The following CHRNB2 variants were observed in gnomAD, a reference collection of about 807,000 sequenced individuals.
CHRNB2 encodes neuronal acetylcholine receptor subunit beta-2.
Under a neutral mutation model 42.7 loss-of-function variants are expected in CHRNB2, and 33 were observed. The observed-to-expected ratio is 0.77, with a 90% CI of 0.59 to 1.03. The LOEUF is 1.03. Among genes scored for constraint, CHRNB2 ranks in the 50% least tolerant of loss-of-function variants. CHRNB2 has a pLI of 0.00. For missense variants in CHRNB2, 603 were observed against 700.9 expected (o/e 0.86, Z 1.58); for synonymous variants, 325 against 292.9 (o/e 1.11, Z -1.12).
At chr1:154,569,643 G>A (rs1364006491) in intron 2 of CHRNB2, 36 bp downstream of exon 2, 12 of 1,613,776 alleles carry the variant, frequency 7.4e-6, no homozygotes, top group Non-Finnish European at 9.3e-6. Context: ...CCCAGCTACT[G>A]AAATCAGCCC....
At position 154,576,067 on chromosome 1, in the gene CHRNB2, G is replaced by A. The variant is rs1696269026; in HGVS notation, c.*135G>A. 1 of 1,157,780 alleles carries A rather than the reference G, an allele frequency of 8.6e-7. No individual in the cohort carries two copies. Among genetic ancestry groups the A allele is most frequent in the Admixed American group, 1.8e-5 (1 of 54,694 alleles). 71.7% of individuals were successfully genotyped at this position (1,157,780 alleles called of 1,614,324 possible). On this transcript the variant is annotated 3_prime_UTR_variant, in exon 6 of 6. Transcript: ENST00000368476. ...GATCCATCCTTTTGCTTCATCTGGA[G>A]TCCCTCCTCCCCCACGCCTCCATCC...
At chr1:154,572,545 C>T (rs1696197419) in intron 5 of CHRNB2, among the ~76,000 whole-genome samples, 1 of 152,054 alleles carries the variant, frequency 6.6e-6, no homozygotes, top group Non-Finnish European at 1.5e-5. Flanking sequence ...CTTGCATGCC[C>T]ACATCCAAGT....
rs1206307294 is a variant in CHRNB2, at chr1:154,579,770, GC to G, written c.*3841del. The G allele has an allele frequency of 6.6e-6, 1 of 152,334 alleles. No individual in the cohort carries two copies. The highest frequency in any genetic ancestry group is 1.5e-5 in the Non-Finnish European group (1 of 68,196). 9.4% of individuals were successfully genotyped at this position (152,334 alleles called of 1,614,324 possible). A position where few individuals can be genotyped will look rare whatever the true frequency, so the allele number is the denominator to read the frequency against. Reference sequence around the variant, plus strand: ...TCGATGCCCCCATCTTCCCCACACTGCCCTTGGCCTCCCCGCTCTGCACGCC... The same window carrying G: ...TCGATGCCCCCATCTTCCCCACACTGCCTTGGCCTCCCCGCTCTGCACGCC... On this transcript the variant is annotated 3_prime_UTR_variant, in exon 6 of 6. Transcript: ENST00000368476.
At position 154,577,052 on chromosome 1, in the gene CHRNB2, T is replaced by C. The variant is rs1202318658; in HGVS notation, c.*1120T>C. 2 of 152,240 alleles carry C rather than the reference T, an allele frequency of 1.3e-5. No homozygotes were observed. Among genetic ancestry groups the C allele is most frequent in the East Asian group, 1.9e-4 (1 of 5,204 alleles). The allele number at this position is 152,240 out of a possible 1,614,324, so 9.4% of individuals were successfully genotyped here. ...CCCTGCTACATCCGTGCTGCTCCAGTCTGTTCTGCTCATGGCTCCATCCTT... is the reference window on the plus strand; with the variant it reads ...CCCTGCTACATCCGTGCTGCTCCAGCCTGTTCTGCTCATGGCTCCATCCTT... On this transcript the variant is annotated 3_prime_UTR_variant, in exon 6 of 6. Coordinates refer to ENST00000368476, the MANE Select transcript of CHRNB2 (RefSeq NM_000748.3).
rs940695797 is a variant in CHRNB2, at chr1:154,579,166, C to G, written c.*3234C>G. ...CAGAGGAAGGGCAAGACCGTTTCCCCCAATGGTCTTGAAACGGAAGAGGAA... is the reference window on the plus strand; with the variant it reads ...CAGAGGAAGGGCAAGACCGTTTCCCGCAATGGTCTTGAAACGGAAGAGGAA... On this transcript the variant is annotated 3_prime_UTR_variant, in exon 6 of 6. Coordinates refer to ENST00000368476, the MANE Select transcript of CHRNB2 (RefSeq NM_000748.3). The G allele has an allele frequency of 1.3e-5, 2 of 152,178 alleles. No individual in the cohort carries two copies. Among genetic ancestry groups the G allele is most frequent in the African/African-American group, 4.8e-5 (2 of 41,416 alleles). The allele number at this position is 152,178 out of a possible 1,614,324, so 9.4% of individuals were successfully genotyped here. A position where few individuals can be genotyped will look rare whatever the true frequency, so the allele number is the denominator to read the frequency against.
At position 154,571,919 on chromosome 1, in the gene CHRNB2, C is replaced by T; in HGVS notation, c.1096C>T (p.Arg366Cys). 3 of 1,568,194 alleles carry T rather than the reference C, an allele frequency of 1.9e-6. No homozygotes were observed. The highest frequency in any genetic ancestry group is 2.3e-5 in the South Asian group (2 of 87,178). The change falls in exon 5 of 6, where the codon CGC (arginine) becomes TGC (cysteine). Residue 366 changes from arginine (R) to cysteine (C), a missense_variant. Physicochemically the swap from Arg to Cys is radical, Grantham distance 180. Coordinates refer to ENST00000368476, the MANE Select transcript of CHRNB2 (RefSeq NM_000748.3). This position sits in a 1 kb window ranked among gnomAD's most constrained non-coding sequence, Gnocchi z 6.8. Reference protein sequence around the residue: ...CARQRLRLRRRQREREGAGAL... With the variant: ...CARQRLRLRRCQREREGAGAL... The stretch of plus-strand genomic sequence containing the variant: ...CCGTCAGCGCCTGCGCCTGCGGCGA[C>T]GCCAGCGTGAGCGCGAGGGCGCTGG...
Position 154,578,786 on chromosome 1 carries a change from A to C in CHRNB2, c.*2854A>C, listed in dbSNP as rs1010571919. 1 of 152,186 alleles carries C rather than the reference A, an allele frequency of 6.6e-6. No homozygotes were observed. Among genetic ancestry groups the C allele is most frequent in the Non-Finnish European group, 1.5e-5 (1 of 68,034 alleles). 9.4% of individuals were successfully genotyped at this position (152,186 alleles called of 1,614,324 possible). The stretch of plus-strand genomic sequence containing the variant: ...CGTGGTGGGGCTATCTCTGCAGAGA[A>C]TCGGGTGCCCAGCTTAATGCTGGGC... On this transcript the variant is annotated 3_prime_UTR_variant, in exon 6 of 6. Coordinates refer to ENST00000368476, the MANE Select transcript of CHRNB2 (RefSeq NM_000748.3).
In CHRNB2 at chr1:154,578,287, TC is replaced by T. The variant is rs1313723901; in HGVS notation, c.*2358del. The T allele has an allele frequency of 1.3e-5, 2 of 152,250 alleles. No homozygotes were observed. The highest frequency in any genetic ancestry group is 4.8e-5 in the African/African-American group (2 of 41,442). 9.4% of individuals were successfully genotyped at this position (152,250 alleles called of 1,614,324 possible). A position where few individuals can be genotyped will look rare whatever the true frequency, so the allele number is the denominator to read the frequency against. On this transcript the variant is annotated 3_prime_UTR_variant, in exon 6 of 6. Transcript: ENST00000368476. ...TGTGGCTGTACTTGCTTTTAATATT[TC>T]CCATACATGGCTGTTGTCCAAGTTA...
At chr1:154,570,027 C>A (rs1474721833) in intron 3 of CHRNB2, among the ~76,000 whole-genome samples, 191 bp downstream of exon 3, 1 of 152,208 alleles carries the variant, frequency 6.6e-6, no homozygotes, top group African/African-American at 2.4e-5. Context: ...CTCCAAGATT[C>A]ATTTTCTCAT....
chr1:154,573,366 C>T (rs1696212648), intron 5 of CHRNB2, among the ~76,000 whole-genome samples: 1 of 152,222 alleles, frequency 6.6e-6, no homozygotes, highest in Non-Finnish European at 1.5e-5. Context: ...ATGCTCAAAA[C>T]TGAGTATTTG....
chr1:154,576,222 G>A lies in CHRNB2; in HGVS notation c.*290G>A, dbSNP rs200726730. 4 of 484,062 alleles carry A rather than the reference G, an allele frequency of 8.3e-6. No homozygotes were observed. Among genetic ancestry groups the A allele is most frequent in the Non-Finnish European group, 1.5e-5 (4 of 262,148 alleles). The allele number at this position is 484,062 out of a possible 1,614,324, so 30.0% of individuals were successfully genotyped here. A position where few individuals can be genotyped will look rare whatever the true frequency, so the allele number is the denominator to read the frequency against. On this transcript the variant is annotated 3_prime_UTR_variant, in exon 6 of 6. Coordinates refer to ENST00000368476, the MANE Select transcript of CHRNB2 (RefSeq NM_000748.3). ...TGCTAAGTGGAAGACAGAGATGGCA[G>A]AGCCATCCACCCTGAGGAGTGATGG...
rs1571028588 is a variant in CHRNB2, at chr1:154,577,750, AG to A, written c.*1820del. The A allele has an allele frequency of 2.6e-5, 4 of 152,180 alleles. No individual in the cohort carries two copies. The highest frequency in any genetic ancestry group is 6.5e-5 in the Admixed American group (1 of 15,278). The allele number at this position is 152,180 out of a possible 1,614,324, so 9.4% of individuals were successfully genotyped here. A position where few individuals can be genotyped will look rare whatever the true frequency, so the allele number is the denominator to read the frequency against. ...ATCAGGAAGAGCTGGGGGAGCTGGG[AG>A]GAACATTACAGGAACACCAGAGGGA... On this transcript the variant is annotated 3_prime_UTR_variant, in exon 6 of 6. Coordinates refer to ENST00000368476, the MANE Select transcript of CHRNB2 (RefSeq NM_000748.3).
rs1180459670 is a variant in CHRNB2, at chr1:154,571,903, C to A, written c.1080C>A (p.Arg360=). 1.9e-6 allele frequency: 3 copies of A among 1,579,182 alleles called. No individual in the cohort carries two copies. In the African/African-American group the frequency reaches 4.0e-5, roughly 21 times the overall value. ...QQPRHHCARQ[R]LRLRRRQRER... is the part of the protein sequence containing the mutation. ...CACGCCATCATTGCGCCCGTCAGCG[C>A]CTGCGCCTGCGGCGACGCCAGCGTG... The change falls in exon 5 of 6, where the codon CGC becomes CGA. Residue 360 remains arginine (R), a synonymous_variant. Coordinates refer to ENST00000368476, the MANE Select transcript of CHRNB2 (RefSeq NM_000748.3). This position sits in a 1 kb window ranked among gnomAD's most constrained non-coding sequence, Gnocchi z 6.8.
Position 154,567,976 on chromosome 1 carries a change from C to T in CHRNB2, c.-69C>T, listed in dbSNP as rs1696089941. 5 of 1,401,042 alleles carry T rather than the reference C, an allele frequency of 3.6e-6. No homozygotes were observed. In the South Asian group the frequency reaches 7.3e-5, roughly 21 times the overall value. 86.8% of individuals were successfully genotyped at this position (1,401,042 alleles called of 1,614,324 possible). A position where few individuals can be genotyped will look rare whatever the true frequency, so the allele number is the denominator to read the frequency against. On this transcript the variant is annotated 5_prime_UTR_variant, in exon 1 of 6. Coordinates refer to ENST00000368476, the MANE Select transcript of CHRNB2 (RefSeq NM_000748.3). ...GGCTTCAGCACCACGGACAGCGCCC[C>T]ACCCGCGGCCCTCCCCCCGGCGGCG...
rs199585594 is a variant in CHRNB2 at position 154,578,715 on chromosome 1, G to A, written c.*2783G>A. The stretch of plus-strand genomic sequence containing the variant: ...AGTCTCTTCCACCCTTGGGTCGTGT[G>A]TCGTCCTCTTCTCTTGATGTCAGGG... On this transcript the variant is annotated 3_prime_UTR_variant, in exon 6 of 6. Coordinates refer to ENST00000368476, the MANE Select transcript of CHRNB2 (RefSeq NM_000748.3). 2 of 152,274 alleles carry A rather than the reference G, an allele frequency of 1.3e-5. No individual in the cohort carries two copies. 9.4% of individuals were successfully genotyped at this position (152,274 alleles called of 1,614,324 possible).
At chr1:154,574,816 A>C (rs12072348) in intron 5 of CHRNB2, among the ~76,000 whole-genome samples, 20,721 of 152,180 alleles carry the variant, frequency 0.14, 1,594 homozygotes, top group African/African-American at 0.2. Flanking sequence ...ACAGTTGCCA[A>C]GCGAGTGAGT....
At chr1:154,574,797 A>G (rs999093422) in intron 5 of CHRNB2, among the ~76,000 whole-genome samples, 1 of 152,246 alleles carries the variant, frequency 6.6e-6, no homozygotes, top group Non-Finnish European at 1.5e-5. Flanking sequence ...TGCCAGGTAT[A>G]TAACAGGCAC....
At chr1:154,573,301 G>A (rs551956908) in intron 5 of CHRNB2, among the ~76,000 whole-genome samples, 2 of 152,294 alleles carry the variant, frequency 1.3e-5, no homozygotes, top group East Asian at 1.9e-4. Flanking sequence ...TACCGAGCTA[G>A]GTGCTGAGGA....
rs796052328 is a variant in CHRNB2 at position 154,575,886 on chromosome 1, C to T, written c.1463C>T (p.Thr488Ile). 2 of 1,614,092 alleles carry T rather than the reference C, an allele frequency of 1.2e-6. No individual in the cohort carries two copies. The highest frequency in any genetic ancestry group is 2.2e-5 in the East Asian group (1 of 44,894). The change falls in exon 6 of 6, where the codon ACC becomes ATC. Residue 488 changes from threonine to isoleucine, a missense_variant. This residue lies in a region of CHRNB2 where 270 missense variants were observed against 248.3 expected (regional missense o/e 1.09). Coordinates refer to ENST00000368476, the MANE Select transcript of CHRNB2 (RefSeq NM_000748.3). ...CAGCCTCTCTTCCAGAACTACACCACCACCACCTTCCTCCACTCAGACCAC... is the reference window on the plus strand; with the variant it reads ...CAGCCTCTCTTCCAGAACTACACCATCACCACCTTCCTCCACTCAGACCAC... ...FLQPLFQNYT[T>I]TTFLHSDHSA...
Sources: gnomAD v4.1 joint callset for allele counts (sites outside exome capture counted in the v4.1 genomes callset) on GRCh38, gnomAD v4.1.1 for gene constraint, gnomAD v4.1.1 regional missense constraint, Gnocchi (gnomAD v3.1) non-coding constraint, MANE v1.5 for transcripts, NCBI Gene and HGNC (gene_info 2026-07-23, HGNC 2026-07-21) for gene names.